Variants in MTF2 observed in about 807,000 individuals in gnomAD.
MTF2 encodes the protein metal response element binding transcription factor 2.
In MTF2, 11 loss-of-function variants were observed where a neutral mutation model predicts 79.5. That is an observed-to-expected ratio of 0.14 (90% CI 0.09 to 0.23). The LOEUF (loss-of-function observed/expected upper bound fraction) is 0.23. MTF2 is among the 10% of genes least tolerant of loss of function. The pLI is 1.00. For missense variants in MTF2, 486 were observed against 711.2 expected (o/e 0.68, Z 3.60); for synonymous variants, 208 against 232.8 (o/e 0.89, Z 0.97).
rs896052736 is a variant in MTF2, at chr1:93,134,215, A to C, written c.1424+20A>C. The C allele has an allele frequency of 1.3e-6, 2 of 1,526,458 alleles. No individual in the cohort carries two copies. The highest frequency in any genetic ancestry group is 1.8e-6 in the Non-Finnish European group (2 of 1,115,820). 94.6% of individuals were successfully genotyped at this position (1,526,458 alleles called of 1,614,324 possible). On this transcript the variant is annotated intron_variant, in intron 14 of 14. Coordinates refer to ENST00000370298, the MANE Select transcript of MTF2 (RefSeq NM_007358.4). Reference sequence around the variant, plus strand: ...TTATGGGTAGATATTTTACATTCTTATTTTTTTTACTTTTTTTACTCTAGA... The same window carrying C: ...TTATGGGTAGATATTTTACATTCTTCTTTTTTTTACTTTTTTTACTCTAGA...
intron 7 of MTF2, among the ~76,000 whole-genome samples, 190 bp downstream of exon 7, chr1:93,118,630 C>CT (rs1334055955): frequency 5.3e-5 from 8 of 152,058 alleles, no homozygotes; most frequent in African/African-American, 1.9e-4. Context: ...TTCCAGAATG[C>CT]TTTTAAGTAT....
intron 3 of MTF2, among the ~76,000 whole-genome samples, chr1:93,112,234 A>G (rs749238519): frequency 2.0e-4 from 31 of 152,232 alleles, no homozygotes; most frequent in Non-Finnish European, 3.1e-4. Flanking sequence ...TATAGTTGCT[A>G]TAAAAATGAA....
At chr1:93,090,670 T>G (rs1655039564) in intron 1 of MTF2, among the ~76,000 whole-genome samples, 1 of 151,510 alleles carries the variant, frequency 6.6e-6, no homozygotes, top group South Asian at 2.1e-4. Context: ...CCTAGTTTTT[T>G]TTTTTTTTTT....
chr1:93,098,315 T>C (rs572382042), intron 1 of MTF2, among the ~76,000 whole-genome samples: 1 of 152,228 alleles, frequency 6.6e-6, no homozygotes, highest in Non-Finnish European at 1.5e-5. Flanking sequence ...CTGGACAGAT[T>C]AGATATTTTT....
At chr1:93,098,473 A>G (rs774666771) in intron 1 of MTF2, among the ~76,000 whole-genome samples, 1 of 152,214 alleles carries the variant, frequency 6.6e-6, no homozygotes, top group Non-Finnish European at 1.5e-5. Flanking sequence ...GGTACCTGGC[A>G]TATAGCAGGC....
chr1:93,093,028 A>G (rs921937809), intron 1 of MTF2, among the ~76,000 whole-genome samples: 19 of 152,126 alleles, frequency 1.2e-4, no homozygotes, highest in African/African-American at 3.9e-4. Context: ...TAAAAATACA[A>G]AAAATTAGCC....
chr1:93,101,340 C>T (rs1004401764), intron 1 of MTF2, among the ~76,000 whole-genome samples: 1 of 139,366 alleles, frequency 7.2e-6, no homozygotes, highest in Admixed American at 7.1e-5. Flanking sequence ...AGTTAAAATA[C>T]ATGTAACAAA....
At chr1:93,086,031 C>T (rs570746160) in intron 1 of MTF2, among the ~76,000 whole-genome samples, 5 of 152,242 alleles carry the variant, frequency 3.3e-5, no homozygotes, top group African/African-American at 1.2e-4. Flanking sequence ...ATACCAACAT[C>T]ACTGCAAACA....
rs1420456733 is a variant in MTF2 at position 93,127,175 on chromosome 1, G to C, written c.922-57G>C. ...ATCACATTGCCTCTATCTAGCACCTGTATATTACTAATTGATGAAATTGTA... is the reference window on the plus strand; with the variant it reads ...ATCACATTGCCTCTATCTAGCACCTCTATATTACTAATTGATGAAATTGTA... On this transcript the variant is annotated intron_variant, in intron 9 of 14. Coordinates refer to ENST00000370298, the MANE Select transcript of MTF2 (RefSeq NM_007358.4). 5 of 1,193,160 alleles carry C rather than the reference G, an allele frequency of 4.2e-6. No homozygotes were observed. In the Middle Eastern group the frequency reaches 7.6e-4, roughly 182 times the overall value. 73.9% of individuals were successfully genotyped at this position (1,193,160 alleles called of 1,614,324 possible).
At chr1:93,122,975 A>G (rs1656539625) in intron 9 of MTF2, among the ~76,000 whole-genome samples, 1 of 152,054 alleles carries the variant, frequency 6.6e-6, no homozygotes, top group African/African-American at 2.4e-5. Flanking sequence ...GGTCATTCCA[A>G]ATTATTTGAA....
intron 1 of MTF2, among the ~76,000 whole-genome samples, chr1:93,098,413 G>T (rs918668297): frequency 6.6e-6 from 1 of 152,096 alleles, no homozygotes; most frequent in African/African-American, 2.4e-5. Context: ...TATGTTCCTT[G>T]GTGGTATGTA....
At chr1:93,114,639 T>A (rs1465486120) in intron 3 of MTF2, 49 bp from the exon 4 acceptor site, 2 of 1,465,064 alleles carry the variant, frequency 1.4e-6, no homozygotes, top group African/African-American at 1.4e-5. Context: ...GGTTTTGTTT[T>A]ATGGAATTTT....
chr1:93,114,640 A>G (rs753716702), intron 3 of MTF2, 48 bp from the exon 4 acceptor site: 6 of 1,476,190 alleles, frequency 4.1e-6, no homozygotes, highest in Middle Eastern at 1.8e-4. Context: ...GTTTTGTTTT[A>G]TGGAATTTTT....
At chr1:93,097,253 G>A (rs1655329316) in intron 1 of MTF2, among the ~76,000 whole-genome samples, 2 of 152,094 alleles carry the variant, frequency 1.3e-5, no homozygotes, top group South Asian at 2.1e-4. Flanking sequence ...TCAGTATATG[G>A]TCAGTTTTTG....
intron 6 of MTF2, among the ~76,000 whole-genome samples, chr1:93,115,904 C>CCCAG (rs1366731850): frequency 6.6e-6 from 1 of 151,942 alleles, no homozygotes; most frequent in African/African-American, 2.4e-5. Context: ...ACTGCAGGGG[C>CCCAG]CCAGTATCAG....
At position 93,107,477 on chromosome 1, in the gene MTF2, C is replaced by T. The variant is rs556779527; in HGVS notation, c.6-2753C>T. Among the ~76,000 whole-genome samples the T allele has an allele frequency of 2.2e-4, 33 of 152,268 alleles. 1 individual carries two copies. The highest frequency in any genetic ancestry group is 1.9e-3 in the Admixed American group (29 of 15,296). On this transcript the variant is annotated intron_variant, in intron 1 of 14. Coordinates refer to ENST00000370298, the MANE Select transcript of MTF2 (RefSeq NM_007358.4). ...CTGGCCTCAAATGATCCACCTGCCTCGGCCTTCCAAAATGCTGGAATTACA... is the reference window on the plus strand; with the variant it reads ...CTGGCCTCAAATGATCCACCTGCCTTGGCCTTCCAAAATGCTGGAATTACA...
chr1:93,087,443 G>A (rs1028693283), intron 1 of MTF2, among the ~76,000 whole-genome samples: 3 of 151,818 alleles, frequency 2.0e-5, no homozygotes, highest in Admixed American at 6.6e-5. Context: ...GTGGTGGCAC[G>A]CACCTGTAAT....
At chr1:93,132,744 C>T (rs1041817638) in intron 11 of MTF2, among the ~76,000 whole-genome samples, 3 of 152,022 alleles carry the variant, frequency 2.0e-5, no homozygotes, top group Non-Finnish European at 2.9e-5. Flanking sequence ...TTTCTCCATT[C>T]ATCTCTTTCT....
At chr1:93,121,605 A>C in intron 9 of MTF2, 1 of 976,552 alleles carries the variant, frequency 1.0e-6, no homozygotes. Context: ...GGAGAACATA[A>C]TGCATGATTT....
Sources: allele counts gnomAD v4.1 joint callset (sites outside exome capture counted in the v4.1 genomes callset), GRCh38; gene constraint gnomAD v4.1.1; transcripts MANE v1.5; gene names NCBI Gene and HGNC (gene_info 2026-07-23, HGNC 2026-07-21).